Variants in AMOTL1 observed in about 807,000 individuals in gnomAD.
AMOTL1 encodes the protein angiomotin-like protein 1.
A neutral mutation model predicts 102.9 loss-of-function variants in AMOTL1; 45 were observed. That is an observed-to-expected ratio of 0.44 (90% CI 0.34 to 0.56). The LOEUF is 0.56. Among genes scored for constraint, AMOTL1 ranks in the 20% least tolerant of loss-of-function variants. AMOTL1 has a pLI of 0.01. For missense variants in AMOTL1, 1,114 were observed against 1,225.6 expected, an observed-to-expected ratio of 0.91 and a Z score of 1.36; for synonymous variants, 481 against 484.7, an observed-to-expected ratio of 0.99 and a Z score of 0.10.
chr11:94,844,049 A>G (rs571930206), intron 6 of AMOTL1, among the ~76,000 whole-genome samples: 1 of 152,238 alleles, frequency 6.6e-6, no homozygotes, highest in East Asian at 1.9e-4. Flanking sequence ...CCTTTAAGCT[A>G]TCTTCACTCA....
At chr11:94,821,848 G>C in intron 4 of AMOTL1, 27 bp downstream of exon 4, 1 of 1,605,592 alleles carries the variant, frequency 6.2e-7, no homozygotes, top group Non-Finnish European at 8.5e-7. Context: ...GGGAATGGGA[G>C]GGAGACAAAT....
chr11:94,799,467 G>A lies in AMOTL1; in HGVS notation c.277G>A (p.Ala93Thr). 6.2e-7 allele frequency: 1 copy of A among 1,609,736 alleles called. No homozygotes were observed. Among genetic ancestry groups the A allele is most frequent in the Admixed American group, 1.7e-5 (1 of 59,422 alleles). ...SEVEMRGSED[A>T]AAGTVLQRLI... ...GGTGGAAATGAGAGGTTCCGAGGAT[G>A]CGGCAGCTGGAACAGTATTGCAGCG... Residue 93 changes from alanine (A) to threonine (T), a missense_variant, in exon 3 of 13, where the codon GCG (alanine) becomes ACG (threonine). Physicochemically the swap from Ala to Thr is moderately conservative, Grantham distance 58. Transcript: ENST00000433060. The surrounding 1 kb of genome is among the most constrained non-coding windows in gnomAD (Gnocchi z 4.5).
intron 1 of AMOTL1, among the ~76,000 whole-genome samples, chr11:94,774,164 G>A (rs373578507): frequency 2.0e-5 from 3 of 152,182 alleles, no homozygotes; most frequent in Non-Finnish European, 4.4e-5. Flanking sequence ...GCATGTATCC[G>A]TCTTCTTTGA....
intron 3 of AMOTL1, among the ~76,000 whole-genome samples, chr11:94,806,437 T>C (rs1397432508): frequency 6.6e-6 from 1 of 152,252 alleles, no homozygotes; most frequent in Non-Finnish European, 1.5e-5. Flanking sequence ...TATGCAATCA[T>C]GAAAATGAAT....
chr11:94,857,035 GT>G (rs1952681713), intron 8 of AMOTL1, among the ~76,000 whole-genome samples: 1 of 152,178 alleles, frequency 6.6e-6, no homozygotes, highest in Admixed American at 6.5e-5. Flanking sequence ...ATGGAATCGT[GT>G]GTTGATTCTG....
At chr11:94,868,393 C>T (rs905733460) in intron 11 of AMOTL1, among the ~76,000 whole-genome samples, 17 of 152,188 alleles carry the variant, frequency 1.1e-4, no homozygotes, top group African/African-American at 3.6e-4. Context: ...TCCCACCCAG[C>T]TTTCCAGGAA....
chr11:94,801,868 C>T (rs991255355), intron 3 of AMOTL1, among the ~76,000 whole-genome samples: 4 of 152,162 alleles, frequency 2.6e-5, no homozygotes, highest in Non-Finnish European at 5.9e-5. Flanking sequence ...CATGTGGCCA[C>T]TGCCTATTAT....
chr11:94,792,609 AG>A (rs1175633529), intron 1 of AMOTL1, among the ~76,000 whole-genome samples: 1 of 152,268 alleles, frequency 6.6e-6, no homozygotes, highest in Non-Finnish European at 1.5e-5. Flanking sequence ...TCTGCTCTCC[AG>A]CCTTTCTTCA....
At chr11:94,853,871 C>T in intron 7 of AMOTL1, 62 bp from the exon 8 acceptor site, 2 of 1,560,232 alleles carry the variant, frequency 1.3e-6, no homozygotes, top group Non-Finnish European at 1.7e-6. Flanking sequence ...CCACCTCCTC[C>T]ACCCCAGCTT....
chr11:94,805,643 C>A (rs1397693997), intron 3 of AMOTL1, among the ~76,000 whole-genome samples: 1 of 152,172 alleles, frequency 6.6e-6, no homozygotes, highest in African/African-American at 2.4e-5. Flanking sequence ...TTGGCTCAAT[C>A]TTGTCTGTTC....
chr11:94,743,774 T>C (rs1191344463), intron 3 of AMOTL1, among the ~76,000 whole-genome samples: 1 of 147,694 alleles, frequency 6.8e-6, no homozygotes, highest in African/African-American at 2.5e-5. Context: ...TTCTCCTGCC[T>C]CAGCCTCCCA....
chr11:94,741,531 T>C (rs1950527561), intron 3 of AMOTL1, among the ~76,000 whole-genome samples: 1 of 152,132 alleles, frequency 6.6e-6, no homozygotes, highest in South Asian at 2.1e-4. Context: ...AGTTAGCCTG[T>C]AGGTGTCTCG....
intron 3 of AMOTL1, among the ~76,000 whole-genome samples, chr11:94,754,223 G>A (rs955495291): frequency 1.3e-5 from 2 of 152,178 alleles, no homozygotes; most frequent in South Asian, 2.1e-4. Flanking sequence ...AGAGGAACCC[G>A]ACTCAGTCAT....
At chr11:94,823,754 T>A (rs1409757217) in intron 4 of AMOTL1, among the ~76,000 whole-genome samples, 8 of 151,498 alleles carry the variant, frequency 5.3e-5, no homozygotes, top group Non-Finnish European at 1.2e-4. Context: ...TCTCACTCCA[T>A]TGCCAGGTTG....
At position 94,760,228 on chromosome 11, in the gene AMOTL1, T is replaced by G. The variant is rs1303284803; in HGVS notation, c.136+19240T>G. 2.0e-5 allele frequency among the ~76,000 whole-genome samples: 3 copies of G among 152,236 alleles called. No homozygotes were observed. The East Asian group carries it at 5.8e-4, about 29-fold the overall frequency. On this transcript the variant is annotated intron_variant, in intron 3 of 4. Transcript: ENST00000299004. ...CTGTGGAGTTTACTTTCAGGTTGTTTCCATTTAATCTTTTTATTGTTGTTT... is the reference window on the plus strand; with the variant it reads ...CTGTGGAGTTTACTTTCAGGTTGTTGCCATTTAATCTTTTTATTGTTGTTT...
intron 3 of AMOTL1, among the ~76,000 whole-genome samples, chr11:94,814,989 A>G (rs1951741831): frequency 6.6e-6 from 1 of 152,218 alleles, no homozygotes; most frequent in African/African-American, 2.4e-5. Flanking sequence ...TATTACAGCA[A>G]ACATTTATTG....
intron 1 of AMOTL1, among the ~76,000 whole-genome samples, chr11:94,793,395 A>T (rs1435491452): frequency 1.3e-5 from 2 of 152,004 alleles, no homozygotes; most frequent in African/African-American, 4.8e-5. Context: ...TCCACATTGG[A>T]ATTGTTGGAA....
At chr11:94,780,184 C>G (rs907732550) in intron 1 of AMOTL1, among the ~76,000 whole-genome samples, 3 of 152,148 alleles carry the variant, frequency 2.0e-5, no homozygotes, top group Admixed American at 2.0e-4. Flanking sequence ...ATCCATCACT[C>G]CCTCCCTCAG....
chr11:94,746,155 G>A (rs1950588068), intron 3 of AMOTL1, among the ~76,000 whole-genome samples: 1 of 152,144 alleles, frequency 6.6e-6, no homozygotes, highest in African/African-American at 2.4e-5. Flanking sequence ...TTTTTAAAAG[G>A]CAGTAGAGAA....
Sources: gnomAD v4.1 joint callset for allele counts (sites outside exome capture counted in the v4.1 genomes callset) on GRCh38, gnomAD v4.1.1 for gene constraint, Gnocchi (gnomAD v3.1) non-coding constraint, MANE v1.5 for transcripts, NCBI Gene and HGNC (gene_info 2026-07-23, HGNC 2026-07-21) for gene names.